The following ANTXR2 variants were observed in gnomAD, a reference collection of about 807,000 sequenced individuals.
ANTXR2 encodes the protein ANTXR cell adhesion molecule 2.
ANTXR2 carries 44 observed loss-of-function variants against 73.7 expected under a neutral mutation model. The ratio of observed to expected loss-of-function variants is 0.60; its 90% CI spans 0.47 to 0.77. The LOEUF is 0.77. Among genes scored for constraint, ANTXR2 ranks in the 30% least tolerant of loss-of-function variants. The pLI is 0.00. For synonymous variants in ANTXR2, 217 were observed against 205.9 expected, an observed-to-expected ratio of 1.05 and a Z score of -0.46; for missense variants, 604 against 592.5, an observed-to-expected ratio of 1.02 and a Z score of -0.20.
At chr4:80,064,616 G>A (rs955454883) in intron 3 of ANTXR2, among the ~76,000 whole-genome samples, 1 of 152,180 alleles carries the variant, frequency 6.6e-6, no homozygotes, top group Admixed American at 6.5e-5. Flanking sequence ...GGGGAGGAGA[G>A]GTGGGGTTCC....
At chr4:79,919,906 TATATATATATATATAAAA>T (rs1462758884) in intron 16 of ANTXR2, among the ~76,000 whole-genome samples, 3 of 17,678 alleles carry the variant, frequency 1.7e-4, no homozygotes, top group African/African-American at 7.6e-4. Context: ...TATATATATA[TATATATATATATATAAAA>T]AATGATAGGG....
chr4:80,007,975 G>A (rs1731386429), intron 12 of ANTXR2, among the ~76,000 whole-genome samples: 1 of 152,102 alleles, frequency 6.6e-6, no homozygotes, highest in South Asian at 2.1e-4. Flanking sequence ...TTCTTTCACA[G>A]GCTTTATACA....
At chr4:80,042,911 G>A (rs902339307) in intron 7 of ANTXR2, among the ~76,000 whole-genome samples, 6 of 151,978 alleles carry the variant, frequency 3.9e-5, no homozygotes, top group Non-Finnish European at 7.4e-5. Flanking sequence ...ACCGATGGTT[G>A]TTCTCAGAGG....
intron 16 of ANTXR2, among the ~76,000 whole-genome samples, chr4:79,928,017 C>A (rs758609439): frequency 6.6e-6 from 1 of 152,060 alleles, no homozygotes; most frequent in African/African-American, 2.4e-5. Context: ...TGTGTATACA[C>A]CTAAAAGAGC....
intron 12 of ANTXR2, among the ~76,000 whole-genome samples, chr4:79,988,976 C>A (rs1730335682): frequency 6.6e-6 from 1 of 152,096 alleles, no homozygotes; most frequent in South Asian, 2.1e-4. Context: ...ATCACAGAAT[C>A]TCTGGGACAC....
rs750324212 is a variant in ANTXR2 at position 79,978,060 on chromosome 4, G to A, written c.1294C>T (p.Arg432Ter). 6 of 1,612,378 alleles carry A rather than the reference G, an allele frequency of 3.7e-6. No individual in the cohort carries two copies. The highest frequency in any genetic ancestry group is 1.7e-5 in the Admixed American group (1 of 59,574). ...TEEPIRPRPPRPKPTHQPPQT... is the reference protein window; with the variant it reads ...TEEPIRPRPP ...GGAGGCTGGTGTGTGGGTTTGGGTC[G>A]AGGTGGTCTAGGCCTGATGGGTTCC... Residue 432 changes from arginine to a stop codon, truncating the protein, a stop_gained, in exon 15 of 17, where the codon CGA becomes TGA. Transcript: ENST00000403729. LOFTEE classifies it high-confidence loss of function.
intron 12 of ANTXR2, among the ~76,000 whole-genome samples, chr4:80,002,073 TG>T (rs1260133253): frequency 2.0e-5 from 3 of 152,218 alleles, no homozygotes; most frequent in Non-Finnish European, 4.4e-5. Context: ...AAAGTTCGTA[TG>T]GAACCAAAAA....
At chr4:79,919,022 A>G (rs1727465318) in intron 16 of ANTXR2, among the ~76,000 whole-genome samples, 1 of 152,132 alleles carries the variant, frequency 6.6e-6, no homozygotes, top group South Asian at 2.1e-4. Flanking sequence ...TGAGCAAGCA[A>G]TGAAAAACAA....
Position 80,072,551 on chromosome 4 carries a change from C to G in ANTXR2, c.10G>C (p.Glu4Gln). The G allele has an allele frequency of 6.4e-7, 1 of 1,562,874 alleles. No homozygotes were observed. Among genetic ancestry groups the G allele is most frequent in the African/African-American group, 1.4e-5 (1 of 72,282 alleles). The change falls in exon 1 of 17, where the codon GAG (glutamate) becomes CAG (glutamine). Residue 4 changes from glutamate to glutamine, a missense_variant. By Grantham distance (29) the Glu-to-Gln change is conservative. Coordinates refer to ENST00000403729, the MANE Select transcript of ANTXR2 (RefSeq NM_058172.6). Reference sequence around the variant, plus strand: ...CCGGGGCTGCGGGCCGGGGACCGCTCCGCCACCATCCTGCGGCCGGGGGCC... The same window carrying G: ...CCGGGGCTGCGGGCCGGGGACCGCTGCGCCACCATCCTGCGGCCGGGGGCC... MVA[E>Q]RSPARSPGSW... is the part of the protein sequence containing the mutation.
At chr4:80,024,439 A>G (rs1223482023) in intron 10 of ANTXR2, among the ~76,000 whole-genome samples, 1 of 152,218 alleles carries the variant, frequency 6.6e-6, no homozygotes, top group African/African-American at 2.4e-5. Context: ...GGGTGAGTTT[A>G]TAAGTCAAGT....
intron 7 of ANTXR2, among the ~76,000 whole-genome samples, chr4:80,050,338 C>T (rs561829477): frequency 2.0e-5 from 3 of 151,740 alleles, no homozygotes; most frequent in African/African-American, 4.8e-5. Flanking sequence ...TGTCATGACT[C>T]ACATCCTAAA....
chr4:79,956,230 A>C (rs1477514084), intron 16 of ANTXR2, among the ~76,000 whole-genome samples: 1 of 152,184 alleles, frequency 6.6e-6, no homozygotes, highest in Non-Finnish European at 1.5e-5. Context: ...ATATGCATGC[A>C]TTCTGAATAT....
chr4:79,996,924 AC>A (rs1730756345), intron 12 of ANTXR2, among the ~76,000 whole-genome samples: 1 of 151,874 alleles, frequency 6.6e-6, no homozygotes, highest in Admixed American at 6.6e-5. Flanking sequence ...AAACACTTTC[AC>A]CACTTTATGA....
intron 16 of ANTXR2, among the ~76,000 whole-genome samples, chr4:79,952,842 T>C (rs1428226846): frequency 6.6e-6 from 1 of 151,738 alleles, no homozygotes; most frequent in Admixed American, 6.6e-5. Flanking sequence ...TATTATTATT[T>C]TATACAACAG....
At position 80,072,367 on chromosome 4, in the gene ANTXR2, C is replaced by T. The variant is rs367634177; in HGVS notation, c.152+42G>A. The T allele has an allele frequency of 4.8e-5, 74 of 1,536,136 alleles. 1 individual carries two copies. The Admixed American group carries it at 1.4e-3, about 30-fold the overall frequency. On this transcript the variant is annotated intron_variant, in intron 1 of 16. Coordinates refer to ENST00000403729, the MANE Select transcript of ANTXR2 (RefSeq NM_058172.6). ...AGCCTCAGCCCCAGCTGATCCAGTG[C>T]CGCCCTCACCAGGAGACCCTGGACC...
chr4:80,063,612 C>G (rs189413482), intron 3 of ANTXR2, among the ~76,000 whole-genome samples: 114 of 152,048 alleles, frequency 7.5e-4, no homozygotes, highest in African/African-American at 2.7e-3. Flanking sequence ...ACATACACCC[C>G]CCTCACCATA....
At chr4:79,927,781 A>C (rs530074927) in intron 16 of ANTXR2, among the ~76,000 whole-genome samples, 1 of 152,320 alleles carries the variant, frequency 6.6e-6, no homozygotes, top group African/African-American at 2.4e-5. Flanking sequence ...GTAGAAGCTG[A>C]AAAGAACTGC....
intron 16 of ANTXR2, among the ~76,000 whole-genome samples, chr4:79,927,579 AC>A (rs1318635246): frequency 6.6e-6 from 1 of 152,214 alleles, no homozygotes. Flanking sequence ...AATACTTTAT[AC>A]TATATTTTAG....
intron 9 of ANTXR2, among the ~76,000 whole-genome samples, chr4:80,033,200 G>C (rs969465752): frequency 6.6e-6 from 1 of 151,962 alleles, no homozygotes; most frequent in African/African-American, 2.4e-5. Context: ...CCACATGCAA[G>C]TAATTTCATT....
Sources: gnomAD v4.1 joint callset for allele counts (sites outside exome capture counted in the v4.1 genomes callset) on GRCh38, gnomAD v4.1.1 for gene constraint, MANE v1.5 for transcripts, NCBI Gene and HGNC (gene_info 2026-07-23, HGNC 2026-07-21) for gene names.